The following TMED3 variants were observed in gnomAD, a reference collection of about 807,000 sequenced individuals.
The protein encoded by TMED3 is transmembrane p24 trafficking protein 3.
Under a neutral mutation model 15.0 loss-of-function variants are expected in TMED3, and 9 were observed. The ratio of observed to expected loss-of-function variants is 0.60; its 90% CI spans 0.36 to 1.04. The LOEUF (loss-of-function observed/expected upper bound fraction) is 1.04, where lower values mean the gene tolerates loss of function less well. Among genes scored for constraint, TMED3 ranks in the 50% least tolerant of loss-of-function variants. The pLI is 0.01. For synonymous variants in TMED3, 117 were observed against 121.4 expected, an observed-to-expected ratio of 0.96 and a Z score of 0.24; for missense variants, 267 against 278.9, an observed-to-expected ratio of 0.96 and a Z score of 0.30.
At chr15:79,352,345 C>G (rs2058894065) in intron 2 of TMED3, among the ~76,000 whole-genome samples, 1 of 152,096 alleles carries the variant, frequency 6.6e-6, no homozygotes, top group South Asian at 2.1e-4. Context: ...GCTCTGGTCC[C>G]TGGTGAACAT....
chr15:79,406,858 G>T (rs961696292), intron 2 of TMED3, among the ~76,000 whole-genome samples: 1 of 152,144 alleles, frequency 6.6e-6, no homozygotes, highest in African/African-American at 2.4e-5. Flanking sequence ...TCTCGTCTCT[G>T]ACCAAAGGGA....
intron 2 of TMED3, among the ~76,000 whole-genome samples, chr15:79,400,308 T>C (rs1021606069): frequency 2.0e-5 from 3 of 152,322 alleles, no homozygotes; most frequent in Admixed American, 6.5e-5. Context: ...ATAGCACCTG[T>C]TTATTTTCTT....
intron 2 of TMED3, among the ~76,000 whole-genome samples, chr15:79,375,188 G>A (rs1467131709): frequency 6.6e-6 from 1 of 152,148 alleles, no homozygotes; most frequent in Non-Finnish European, 1.5e-5. Context: ...CAACTTCCCA[G>A]TTCTCTGATG....
chr15:79,353,879 G>T (rs2058908178), intron 2 of TMED3, among the ~76,000 whole-genome samples: 1 of 152,016 alleles, frequency 6.6e-6, no homozygotes, highest in Non-Finnish European at 1.5e-5. Context: ...TCTTCCCATT[G>T]TGTAGCTGTT....
intron 2 of TMED3, among the ~76,000 whole-genome samples, chr15:79,345,934 C>T (rs2058869572): frequency 1.3e-5 from 2 of 152,122 alleles, no homozygotes; most frequent in South Asian, 4.1e-4. Context: ...AGATTGTTGG[C>T]CACGTGTATG....
intron 2 of TMED3, among the ~76,000 whole-genome samples, chr15:79,375,740 G>A (rs1219996834): frequency 1.3e-5 from 2 of 152,080 alleles, no homozygotes; most frequent in East Asian, 1.9e-4. Flanking sequence ...AACTCCATCC[G>A]CATGAGCCAG....
At chr15:79,399,310 A>T (rs1893803959) in intron 2 of TMED3, among the ~76,000 whole-genome samples, 1 of 152,160 alleles carries the variant, frequency 6.6e-6, no homozygotes, top group African/African-American at 2.4e-5. Flanking sequence ...GGACATGTAT[A>T]ATTAACCATC....
chr15:79,377,073 A>G (rs1279658923), intron 2 of TMED3, among the ~76,000 whole-genome samples: 1 of 152,224 alleles, frequency 6.6e-6, no homozygotes. Flanking sequence ...CAGAGATTAC[A>G]GGTATTACAG....
chr15:79,318,341 T>G (rs953393443), intron 2 of TMED3, among the ~76,000 whole-genome samples: 10 of 152,292 alleles, frequency 6.6e-5, no homozygotes, highest in Non-Finnish European at 1.3e-4. Context: ...TGATTCTTAA[T>G]TCCCTGGGCC....
chr15:79,319,579 A>G (rs948925599), intron 2 of TMED3, among the ~76,000 whole-genome samples: 1 of 152,190 alleles, frequency 6.6e-6, no homozygotes, highest in Non-Finnish European at 1.5e-5. Context: ...AAATAAAGAC[A>G]TAAGACAAAG....
At chr15:79,317,067 G>A (rs979675566) in intron 2 of TMED3, among the ~76,000 whole-genome samples, 1 of 152,184 alleles carries the variant, frequency 6.6e-6, no homozygotes, top group Non-Finnish European at 1.5e-5. Context: ...TCTGTGCAAG[G>A]TCCTGAAGGC....
chr15:79,363,691 A>G (rs1893174948), intron 2 of TMED3, among the ~76,000 whole-genome samples: 1 of 152,222 alleles, frequency 6.6e-6, no homozygotes, highest in African/African-American at 2.4e-5. Flanking sequence ...TTTTAAAAGG[A>G]AATTGTTAAT....
intron 2 of TMED3, chr15:79,384,758 A>AT (rs931347917): frequency 2.6e-5 from 4 of 152,222 alleles, no homozygotes; most frequent in African/African-American, 9.6e-5. Context: ...GTGGTGGCTC[A>AT]TGCTTGTAAT....
chr15:79,385,738 G>T (rs996674590), intron 2 of TMED3, among the ~76,000 whole-genome samples: 2 of 152,084 alleles, frequency 1.3e-5, no homozygotes, highest in Admixed American at 1.3e-4. Context: ...TCCCTAGAGC[G>T]GGAGGCCTGG....
chr15:79,351,746 G>A (rs1217744529), intron 2 of TMED3, among the ~76,000 whole-genome samples: 3 of 152,184 alleles, frequency 2.0e-5, no homozygotes, highest in South Asian at 2.1e-4. Flanking sequence ...AGGAAAAGAA[G>A]TCATTATATG....
intron 2 of TMED3, among the ~76,000 whole-genome samples, chr15:79,395,382 T>C (rs1230754079): frequency 6.6e-6 from 1 of 152,196 alleles, no homozygotes; most frequent in Admixed American, 6.5e-5. Context: ...GGTTTCATCA[T>C]ATTGGCCAGG....
chr15:79,348,343 T>A (rs182808958), intron 2 of TMED3, among the ~76,000 whole-genome samples: 3 of 152,324 alleles, frequency 2.0e-5, no homozygotes, highest in Admixed American at 1.3e-4. Flanking sequence ...GAATTTTTCT[T>A]ATTGCTACAT....
intron 2 of TMED3, among the ~76,000 whole-genome samples, chr15:79,392,040 A>C (rs528365880): frequency 1.7e-4 from 26 of 152,244 alleles, no homozygotes; most frequent in Non-Finnish European, 3.2e-4. Flanking sequence ...TCCATTCCGC[A>C]GTTCTGTATA....
rs1332721199 is a variant in TMED3, at chr15:79,313,982, A to C, written c.394A>C (p.Asn132His). 1 of 1,613,940 alleles carries C rather than the reference A, an allele frequency of 6.2e-7. No homozygotes were observed. The highest frequency in any genetic ancestry group is 1.3e-5 in the African/African-American group (1 of 74,904). The change falls in exon 2 of 3, where the codon AAC (asparagine) becomes CAC (histidine). Residue 132 changes from asparagine to histidine, a missense_variant. Physicochemically the swap from Asn to His is moderately conservative, Grantham distance 68. This residue lies in a region of TMED3 where 139 missense variants were observed against 125.0 expected (regional missense o/e 1.11). Transcript: ENST00000299705. ...GCCTCCCATTCTCCCAGACATGGGG[A>C]ACAGGGTCACAGCTCTCACCCAGGT... ...DEPPILPDMGNRVTALTQMES... is the reference protein window; with the variant it reads ...DEPPILPDMGHRVTALTQMES...
Sources: allele counts gnomAD v4.1 joint callset (sites outside exome capture counted in the v4.1 genomes callset), GRCh38; gene constraint gnomAD v4.1.1; regional missense constraint gnomAD v4.1.1; transcripts MANE v1.5; gene names NCBI Gene and HGNC (gene_info 2026-07-23, HGNC 2026-07-21).